SPAG16: variants seen among roughly 807,000 people sequenced by gnomAD.
SPAG16 encodes the protein sperm-associated antigen 16 protein.
Under a neutral mutation model 80.4 loss-of-function variants are expected in SPAG16, and 86 were observed. That is an observed-to-expected ratio of 1.07 (90% CI 0.90 to 1.28). SPAG16 has a LOEUF of 1.28. Ranked by LOEUF, SPAG16 falls within the 50% of genes most tolerant of loss-of-function variation. The pLI, the probability that SPAG16 is intolerant of heterozygous loss-of-function variation, is 0.00. For synonymous variants in SPAG16, 294 were observed against 265.9 expected (o/e 1.11, Z -1.03); for missense variants, 870 against 765.3 (o/e 1.14, Z -1.61).
At chr2:214,175,448 A>G (rs1012901184) in intron 15 of SPAG16, among the ~76,000 whole-genome samples, 3 of 151,020 alleles carry the variant, frequency 2.0e-5, no homozygotes, top group African/African-American at 7.3e-5. Flanking sequence ...AGATGGCTCT[A>G]GCCACTTTCT....
chr2:214,167,590 C>A (rs960865551), intron 15 of SPAG16, among the ~76,000 whole-genome samples: 1 of 152,026 alleles, frequency 6.6e-6, no homozygotes, highest in Non-Finnish European at 1.5e-5. Context: ...ATTTAGATCC[C>A]TTCTATATGC....
chr2:213,680,197 G>A (rs150588634), intron 10 of SPAG16, among the ~76,000 whole-genome samples: 96 of 152,164 alleles, frequency 6.3e-4, no homozygotes, highest in African/African-American at 2.2e-3. Context: ...TCCACCACTG[G>A]CAGAAAATTG....
intron 9 of SPAG16, among the ~76,000 whole-genome samples, chr2:213,429,495 A>G (rs1275229345): frequency 2.0e-5 from 3 of 152,224 alleles, no homozygotes; most frequent in Non-Finnish European, 4.4e-5. Context: ...ATCACCACAG[A>G]GAGATCTTAC....
chr2:214,026,960 A>G (rs1559707606), intron 13 of SPAG16, among the ~76,000 whole-genome samples: 1 of 151,566 alleles, frequency 6.6e-6, no homozygotes, highest in Admixed American at 6.6e-5. Context: ...ATCCCTTTCT[A>G]TCTAAATCTT....
intron 9 of SPAG16, among the ~76,000 whole-genome samples, chr2:213,488,206 G>T (rs762550396): frequency 1.1e-4 from 17 of 152,156 alleles, no homozygotes; most frequent in Non-Finnish European, 2.2e-4. Context: ...TTATTCAAAG[G>T]AAATAACTAT....
chr2:214,272,789 T>A (rs1402749807), intron 15 of SPAG16, among the ~76,000 whole-genome samples: 1 of 152,160 alleles, frequency 6.6e-6, no homozygotes, highest in Non-Finnish European at 1.5e-5. Flanking sequence ...TGATTTATAA[T>A]CCTTTGGGTA....
At chr2:214,402,526 C>A (rs1181313446) in intron 15 of SPAG16, among the ~76,000 whole-genome samples, 1 of 151,342 alleles carries the variant, frequency 6.6e-6, no homozygotes, top group Non-Finnish European at 1.5e-5. Context: ...AAAATATATT[C>A]ACTGTATTCA....
intron 15 of SPAG16, among the ~76,000 whole-genome samples, chr2:214,220,167 A>G (rs1420979657): frequency 2.0e-5 from 3 of 152,278 alleles, no homozygotes; most frequent in East Asian, 1.9e-4. Context: ...TAAATATGTA[A>G]GTAACTATTT....
At chr2:213,467,791 A>G (rs11898702) in intron 9 of SPAG16, among the ~76,000 whole-genome samples, 2,393 of 152,318 alleles carry the variant, frequency 0.016, 34 homozygotes, top group East Asian at 0.052. Flanking sequence ...CCACCCTCCA[A>G]TGGTTCCCTC....
chr2:213,504,452 A>C (rs2074877884), intron 10 of SPAG16, among the ~76,000 whole-genome samples: 1 of 152,170 alleles, frequency 6.6e-6, no homozygotes, highest in Admixed American at 6.6e-5. Context: ...AGAAGGCAGC[A>C]AATAAAAAAG....
At chr2:213,831,789 A>G (rs2073675133) in intron 10 of SPAG16, among the ~76,000 whole-genome samples, 1 of 152,036 alleles carries the variant, frequency 6.6e-6, no homozygotes, top group African/African-American at 2.4e-5. Context: ...AAACTTTACA[A>G]TATTAATTAA....
At chr2:214,266,631 A>C (rs1362489158) in intron 15 of SPAG16, among the ~76,000 whole-genome samples, 3 of 151,936 alleles carry the variant, frequency 2.0e-5, no homozygotes, top group Admixed American at 6.6e-5. Context: ...GTATCCAAAC[A>C]GAAAAGAATA....
intron 10 of SPAG16, among the ~76,000 whole-genome samples, chr2:213,530,079 CAT>C (rs1260952039): frequency 6.6e-6 from 1 of 152,142 alleles, no homozygotes; most frequent in Non-Finnish European, 1.5e-5. Flanking sequence ...ATAATAATGC[CAT>C]CTTCTAGAAT....
rs2075516888 is a variant in SPAG16 at position 213,862,548 on chromosome 2, G to T, written c.1134G>T (p.Val378=). ...GTGGCGAGGACCGACTCTGGAAGGT[G>T]TTGGGCCTTCCAAAATGCAATGTGC... ...VSCGEDRLWK[V]LGLPKCNVLL... Residue 378 remains valine, a synonymous_variant, in exon 11 of 16, where the codon GTG becomes GTT. Transcript: ENST00000331683. 1.2e-6 allele frequency: 2 copies of T among 1,614,050 alleles called. No homozygotes were observed. The highest frequency in any genetic ancestry group is 1.3e-5 in the African/African-American group (1 of 74,936).
intron 15 of SPAG16, among the ~76,000 whole-genome samples, chr2:214,230,326 C>T (rs1319019456): frequency 2.6e-5 from 4 of 151,826 alleles, no homozygotes; most frequent in Non-Finnish European, 4.4e-5. Flanking sequence ...TGTGAGTCCA[C>T]AAAAATGCTC....
At chr2:214,224,555 T>A (rs1031887319) in intron 15 of SPAG16, among the ~76,000 whole-genome samples, 1 of 152,150 alleles carries the variant, frequency 6.6e-6, no homozygotes, top group African/African-American at 2.4e-5. Flanking sequence ...ACTTGAGAAT[T>A]AAATCAGAGG....
Position 213,848,289 on chromosome 2 carries a change from C to T in SPAG16, c.1071-14196C>T, listed in dbSNP as rs533045054. Among the ~76,000 whole-genome samples the T allele has an allele frequency of 7.9e-5, 12 of 152,100 alleles. No individual in the cohort carries two copies. The South Asian group carries it at 8.3e-4, about 11-fold the overall frequency. On this transcript the variant is annotated intron_variant, in intron 10 of 15. Coordinates refer to ENST00000331683, the MANE Select transcript of SPAG16 (RefSeq NM_024532.5). ...ATCTCTTTATTTTTGCTTGGTTTCA[C>T]GTGAATTAGAAGAAAAAAGATGTCA...
At chr2:213,763,147 T>C (rs2662678) in intron 10 of SPAG16, among the ~76,000 whole-genome samples, 44,323 of 151,944 alleles carry the variant, frequency 0.29, 6,505 homozygotes, top group Middle Eastern at 0.41. Context: ...TGTAAGGATA[T>C]AGAGAAATCT....
At chr2:213,826,422 C>G (rs972084442) in intron 10 of SPAG16, among the ~76,000 whole-genome samples, 12 of 151,934 alleles carry the variant, frequency 7.9e-5, no homozygotes, top group Non-Finnish European at 1.6e-4. Context: ...ATATTCCATA[C>G]ATTTTGGTAA....
Sources: allele counts gnomAD v4.1 joint callset (sites outside exome capture counted in the v4.1 genomes callset), GRCh38; gene constraint gnomAD v4.1.1; transcripts MANE v1.5; gene names NCBI Gene and HGNC (gene_info 2026-07-23, HGNC 2026-07-21).